The following KBTBD11 variants were observed in gnomAD, a reference collection of about 807,000 sequenced individuals.
KBTBD11 encodes the protein kelch repeat and BTB domain containing 11.
For synonymous variants in KBTBD11, 747 were observed against 499.0 expected (o/e 1.50, Z -6.63); for missense variants, 1,390 against 1,001.8 (o/e 1.39, Z -5.23).
intron 1 of KBTBD11, among the ~76,000 whole-genome samples, chr8:1,978,960 C>A (rs1816444683): frequency 6.6e-6 from 1 of 152,184 alleles, no homozygotes; most frequent in African/African-American, 2.4e-5. Context: ...GAGACCCACC[C>A]CCAGCCCACA....
chr8:2,003,155 G>A lies in KBTBD11; in HGVS notation c.*91G>A. The A allele has an allele frequency of 2.4e-6, 3 of 1,246,968 alleles. No individual in the cohort carries two copies. Among genetic ancestry groups the A allele is most frequent in the East Asian group, 3.2e-5 (1 of 31,464 alleles). 77.2% of individuals were successfully genotyped at this position (1,246,968 alleles called of 1,614,324 possible). A position where few individuals can be genotyped will look rare whatever the true frequency, so the allele number is the denominator to read the frequency against. ...CGGAGGAGGACGTGGTGGGGAGTCG[G>A]GGCCGCTGGCCACGCTGGTGGTTTG... On this transcript the variant is annotated 3_prime_UTR_variant, in exon 2 of 2. Coordinates refer to ENST00000320248, the MANE Select transcript of KBTBD11 (RefSeq NM_014867.3).
intron 1 of KBTBD11, among the ~76,000 whole-genome samples, chr8:1,993,412 TCCATCCATCCACCCACCCAC>T (rs1253101513): frequency 0.012 from 1,169 of 99,374 alleles, 22 homozygotes; most frequent in African/African-American, 0.033. Context: ...CATCCATCCA[TCCATCCATCCACCCACCCAC>T]CCATCCATCC....
rs572992882 is a variant in KBTBD11 at position 1,995,418 on chromosome 8, G to T, written c.-908-4867G>T. The stretch of plus-strand genomic sequence containing the variant: ...ATGGGCTGCATTTTACAAGGAAAAT[G>T]TATTTCCTGAGTGGTGTTTCCTCCT... On this transcript the variant is annotated intron_variant, in intron 1 of 1. Coordinates refer to ENST00000320248, the MANE Select transcript of KBTBD11 (RefSeq NM_014867.3). Among the ~76,000 whole-genome samples the T allele has an allele frequency of 4.5e-4, 68 of 152,302 alleles. 2 individuals are homozygous for T. In the Middle Eastern group the frequency reaches 0.01, roughly 23 times the overall value.
Position 2,002,776 on chromosome 8 carries a change from C to T in KBTBD11, c.1584C>T (p.His528=), listed in dbSNP as rs1325286532. Residue 528 remains histidine (H), a synonymous_variant, in exon 2 of 2, where the codon CAC becomes CAT. Coordinates refer to ENST00000320248, the MANE Select transcript of KBTBD11 (RefSeq NM_014867.3). This position sits in a 1 kb window ranked among gnomAD's most constrained non-coding sequence, Gnocchi z 4.1. ...GPSGVSVSRY[H]CLAKQWSPCV... ...GCGGGGTCAGCGTGTCCCGATACCA[C>T]TGCCTGGCCAAGCAGTGGAGCCCGT... 6.8e-7 allele frequency: 1 copy of T among 1,472,422 alleles called. No individual in the cohort carries two copies. The highest frequency in any genetic ancestry group is 2.8e-5 in the East Asian group (1 of 35,844). 91.2% of individuals were successfully genotyped at this position (1,472,422 alleles called of 1,614,324 possible).
At chr8:1,983,765 G>T (rs377617908) in intron 1 of KBTBD11, among the ~76,000 whole-genome samples, 279 of 152,352 alleles carry the variant, frequency 1.8e-3, no homozygotes, top group African/African-American at 6.5e-3. Flanking sequence ...CAATTAATTT[G>T]GAGACTGCTT....
chr8:1,994,787 G>T (rs564464344), intron 1 of KBTBD11, among the ~76,000 whole-genome samples: 2 of 152,182 alleles, frequency 1.3e-5, no homozygotes, highest in Admixed American at 1.3e-4. Context: ...GGCCAGGCGT[G>T]GTGGCTGACG....
At chr8:1,977,420 C>T (rs1265752000) in intron 1 of KBTBD11, among the ~76,000 whole-genome samples, 2 of 152,120 alleles carry the variant, frequency 1.3e-5, no homozygotes, top group Non-Finnish European at 2.9e-5. Flanking sequence ...TTTGTCCTGG[C>T]CACCTCCATC....
In KBTBD11 at chr8:2,002,767, C is replaced by G. The variant is rs1397325630; in HGVS notation, c.1575C>G (p.Ser525=). ...QAAGPSGVSV[S]RYHCLAKQWS... ...CGGGGCCGAGCGGGGTCAGCGTGTCCCGATACCACTGCCTGGCCAAGCAGT... is the reference window on the plus strand; with the variant it reads ...CGGGGCCGAGCGGGGTCAGCGTGTCGCGATACCACTGCCTGGCCAAGCAGT... Residue 525 remains serine (S), a synonymous_variant, in exon 2 of 2, where the codon TCC becomes TCG. Coordinates refer to ENST00000320248, the MANE Select transcript of KBTBD11 (RefSeq NM_014867.3). This position sits in a 1 kb window ranked among gnomAD's most constrained non-coding sequence, Gnocchi z 4.1. The G allele has an allele frequency of 2.0e-6, 3 of 1,479,482 alleles. No individual in the cohort carries two copies. The highest frequency in any genetic ancestry group is 2.7e-6 in the Non-Finnish European group (3 of 1,122,754). 91.6% of individuals were successfully genotyped at this position (1,479,482 alleles called of 1,614,324 possible). A position where few individuals can be genotyped will look rare whatever the true frequency, so the allele number is the denominator to read the frequency against.
chr8:1,988,207 T>C (rs1171838430), intron 1 of KBTBD11, among the ~76,000 whole-genome samples: 1 of 152,226 alleles, frequency 6.6e-6, no homozygotes, highest in Non-Finnish European at 1.5e-5. Context: ...TGCATGTGTC[T>C]TTATAGCAGC....
chr8:1,998,591 C>T (rs763445563), intron 1 of KBTBD11, among the ~76,000 whole-genome samples: 3 of 152,116 alleles, frequency 2.0e-5, no homozygotes, highest in African/African-American at 4.8e-5. Context: ...TAGGGAGCTC[C>T]GAGAGCCCTT....
intron 1 of KBTBD11, chr8:1,974,536 C>T: frequency 2.0e-6 from 2 of 985,224 alleles, no homozygotes; most frequent in Non-Finnish European, 1.2e-6. Context: ...CCTTGGTCCT[C>T]CGCCGCTGCG....
chr8:1,991,389 C>T (rs1045435426), intron 1 of KBTBD11, among the ~76,000 whole-genome samples: 1 of 152,232 alleles, frequency 6.6e-6, no homozygotes, highest in African/African-American at 2.4e-5. Flanking sequence ...CATTTATTAG[C>T]GAACTTACCT....
Position 1,997,489 on chromosome 8 carries a change from T to C in KBTBD11, c.-908-2796T>C, listed in dbSNP as rs552785793. ...CTCCTGCTTAACCTCATTTCCCACA[T>C]GGTGTGTGACACCACGTCCATTCTG... On this transcript the variant is annotated intron_variant, in intron 1 of 1. Coordinates refer to ENST00000320248, the MANE Select transcript of KBTBD11 (RefSeq NM_014867.3). Among the ~76,000 whole-genome samples, 3 of 152,180 alleles carry C rather than the reference T, an allele frequency of 2.0e-5. No homozygotes were observed. In the East Asian group the frequency reaches 5.8e-4, roughly 29 times the overall value.
chr8:1,990,061 T>A (rs566439637), intron 1 of KBTBD11, among the ~76,000 whole-genome samples: 1 of 152,220 alleles, frequency 6.6e-6, no homozygotes, highest in South Asian at 2.1e-4. Context: ...ACTTAGTATT[T>A]CTGTGCATTG....
At position 2,004,923 on chromosome 8, in the gene KBTBD11, A is replaced by G. The variant is rs920272693; in HGVS notation, c.*1859A>G. The G allele has an allele frequency of 6.0e-6, 1 of 167,116 alleles. No homozygotes were observed. Among genetic ancestry groups the G allele is most frequent in the Non-Finnish European group, 1.5e-5 (1 of 68,136 alleles). 10.4% of individuals were successfully genotyped at this position (167,116 alleles called of 1,614,324 possible). ...TTTTATTAATGGTAGAAATTTTTAT[A>G]TGAAATGGGACCAGGACCAGGCTAA... On this transcript the variant is annotated 3_prime_UTR_variant, in exon 2 of 2. Coordinates refer to ENST00000320248, the MANE Select transcript of KBTBD11 (RefSeq NM_014867.3).
chr8:1,988,950 A>G (rs1816787835), intron 1 of KBTBD11, among the ~76,000 whole-genome samples: 1 of 151,798 alleles, frequency 6.6e-6, no homozygotes, highest in African/African-American at 2.4e-5. Context: ...GGAATCTCTC[A>G]TTTCCGATTC....
chr8:1,975,992 GC>G (rs1179755264), intron 1 of KBTBD11: 1 of 152,140 alleles, frequency 6.6e-6, no homozygotes, highest in Non-Finnish European at 1.5e-5. Flanking sequence ...CTCCATCTGG[GC>G]ACATGTTTCA....
intron 1 of KBTBD11, among the ~76,000 whole-genome samples, chr8:1,987,912 G>C (rs940622641): frequency 2.0e-5 from 3 of 152,016 alleles, no homozygotes; most frequent in Non-Finnish European, 4.4e-5. Context: ...GCCCCGGTGT[G>C]TGATGTTCCC....
chr8:1,987,487 G>T (rs1816743802), intron 1 of KBTBD11, among the ~76,000 whole-genome samples: 1 of 152,092 alleles, frequency 6.6e-6, no homozygotes, highest in Admixed American at 6.6e-5. Context: ...AACGCCGTCA[G>T]CAGATCCCAT....
Sources: allele counts gnomAD v4.1 joint callset (sites outside exome capture counted in the v4.1 genomes callset), GRCh38; gene constraint gnomAD v4.1.1; non-coding constraint Gnocchi (gnomAD v3.1); transcripts MANE v1.5; gene names NCBI Gene and HGNC (gene_info 2026-07-23, HGNC 2026-07-21).